WDR88: variants seen among roughly 807,000 people sequenced by gnomAD.
WDR88 encodes WD repeat-containing protein 88.
Under a neutral mutation model 46.8 loss-of-function variants are expected in WDR88, and 40 were observed. The observed-to-expected ratio is 0.86, with a 90% CI of 0.66 to 1.11. The LOEUF (loss-of-function observed/expected upper bound fraction) is 1.11, where lower values mean the gene tolerates loss of function less well. Among genes scored for constraint, WDR88 ranks in the 50% most tolerant of loss-of-function variants. The pLI is 0.00. For missense variants in WDR88, 562 were observed against 602.4 expected (o/e 0.93, Z 0.70); for synonymous variants, 235 against 240.7 (o/e 0.98, Z 0.22).
chr19:33,170,731 G>A (rs1419421927), intron 9 of WDR88, among the ~76,000 whole-genome samples: 1 of 152,044 alleles, frequency 6.6e-6, no homozygotes, highest in East Asian at 1.9e-4. Context: ...GTATGGTGGC[G>A]CATGCCTGTA....
At chr19:33,157,498 A>G (rs557963113) in intron 7 of WDR88, among the ~76,000 whole-genome samples, 1 of 133,698 alleles carries the variant, frequency 7.5e-6, no homozygotes, top group African/African-American at 3.0e-5. Flanking sequence ...ACTCTGTCTC[A>G]ATATATATAT....
intron 6 of WDR88, among the ~76,000 whole-genome samples, chr19:33,155,701 G>A (rs1165664264): frequency 6.6e-6 from 1 of 152,178 alleles, no homozygotes; most frequent in Non-Finnish European, 1.5e-5. Flanking sequence ...AATCACTCCT[G>A]ACACCAGCTG....
intron 8 of WDR88, among the ~76,000 whole-genome samples, chr19:33,161,953 G>A (rs184793447): frequency 1.3e-4 from 20 of 152,096 alleles, no homozygotes; most frequent in Admixed American, 3.9e-4. Context: ...TGACAGAGCC[G>A]GTTGTTCTAT....
Position 33,174,768 on chromosome 19 carries a change from CAACT to C in WDR88, c.1243-627_1243-624del, listed in dbSNP as rs1201885538. On this transcript the variant is annotated intron_variant, in intron 10 of 10. Transcript: ENST00000355868. The stretch of plus-strand genomic sequence containing the variant: ...GGCGGGACACTCACCCCCATCCTCC[CAACT>C]GTCAAGGGGCTTGCCACGCATGTCC... 5 of 985,322 alleles carry C rather than the reference CAACT, an allele frequency of 5.1e-6. No homozygotes were observed. In the African/African-American group the frequency reaches 8.7e-5, roughly 17 times the overall value. 61.0% of individuals were successfully genotyped at this position (985,322 alleles called of 1,614,324 possible).
intron 10 of WDR88, among the ~76,000 whole-genome samples, chr19:33,172,732 T>C (rs1974058928): frequency 2.6e-5 from 4 of 151,960 alleles, no homozygotes; most frequent in East Asian, 1.9e-4. Context: ...ATAGGTCTCA[T>C]TGAGGACTGA....
chr19:33,133,188 TAAATAA>T (rs1396859714), intron 1 of WDR88, among the ~76,000 whole-genome samples: 9 of 90,770 alleles, frequency 9.9e-5, no homozygotes, highest in African/African-American at 3.8e-4. Context: ...AATAAATAAA[TAAATAA>T]ATATAGAGAG....
At chr19:33,141,747 C>G (rs1041549322) in intron 2 of WDR88, among the ~76,000 whole-genome samples, 1 of 152,064 alleles carries the variant, frequency 6.6e-6, no homozygotes, top group Non-Finnish European at 1.5e-5. Flanking sequence ...GTGGCGTGGT[C>G]TCGGCTCACT....
intron 9 of WDR88, among the ~76,000 whole-genome samples, chr19:33,164,786 C>T (rs765756608): frequency 1.9e-4 from 29 of 152,148 alleles, no homozygotes; most frequent in South Asian, 4.1e-4. Context: ...GGACCAGTTT[C>T]GTGGAAGACA....
rs573489432 is a variant in WDR88 at position 33,158,445 on chromosome 19, G to GA, written c.997+1913dup. 3.9e-4 allele frequency among the ~76,000 whole-genome samples: 58 copies of GA among 148,352 alleles called. 1 individual carries two copies. Among genetic ancestry groups the GA allele is most frequent in the South Asian group, 1.1e-3 (5 of 4,652 alleles). ...TGTCTCAAAAAAAGAAAAAAAGAAAGAAAAAAAAAAGAATCACATGCAGTT... is the reference window on the plus strand; with the variant it reads ...TGTCTCAAAAAAAGAAAAAAAGAAAGAAAAAAAAAAAGAATCACATGCAGTT... On this transcript the variant is annotated intron_variant, in intron 7 of 10. Coordinates refer to ENST00000355868, the MANE Select transcript of WDR88 (RefSeq NM_173479.4).
intron 10 of WDR88, 100 bp downstream of exon 10, chr19:33,172,540 T>C (rs923789328): frequency 1.0e-6 from 1 of 978,698 alleles, no homozygotes; most frequent in African/African-American, 1.7e-5. Context: ...GGAGATGCAA[T>C]CGTGAACAAA....
intron 2 of WDR88, among the ~76,000 whole-genome samples, chr19:33,141,246 T>TTTTTTTTTTTTTTTTTTTTTTTTTTC (rs1247225166): frequency 6.7e-6 from 1 of 149,078 alleles, no homozygotes; most frequent in African/African-American, 2.5e-5. Flanking sequence ...TTTTTCTTTT[T>TTTTTTTTTTTTTTTTTTTTTTTTTTC]TGACACAGGA....
intron 9 of WDR88, among the ~76,000 whole-genome samples, chr19:33,165,701 T>C (rs979351050): frequency 6.6e-6 from 1 of 151,826 alleles, no homozygotes; most frequent in Non-Finnish European, 1.5e-5. Context: ...GAGACCAGCC[T>C]GGCCAACGTG....
At chr19:33,139,077 C>G (rs1371139485) in intron 2 of WDR88, among the ~76,000 whole-genome samples, 1 of 152,190 alleles carries the variant, frequency 6.6e-6, no homozygotes, top group African/African-American at 2.4e-5. Context: ...AAACTGAGCT[C>G]CATCCACAGA....
intron 9 of WDR88, among the ~76,000 whole-genome samples, chr19:33,168,782 A>G (rs1219718595): frequency 1.3e-5 from 2 of 152,164 alleles, no homozygotes; most frequent in Non-Finnish European, 2.9e-5. Flanking sequence ...AAGAATCTTG[A>G]AGAAGGAGAA....
chr19:33,175,386 C>G lies in WDR88; in HGVS notation c.1243-10C>G, dbSNP rs1475307376. The G allele has an allele frequency of 5.0e-6, 8 of 1,613,718 alleles. No individual in the cohort carries two copies. Among genetic ancestry groups the G allele is most frequent in the Non-Finnish European group, 5.9e-6 (7 of 1,179,720 alleles). ...CCTCCTTTCTGCTCTTTTAAAATATCCCATGTCAGTGCGAAAGATGTGACA... is the reference window on the plus strand; with the variant it reads ...CCTCCTTTCTGCTCTTTTAAAATATGCCATGTCAGTGCGAAAGATGTGACA... On this transcript the variant is annotated splice_polypyrimidine_tract_variant and intron_variant, in intron 10 of 10. Coordinates refer to ENST00000355868, the MANE Select transcript of WDR88 (RefSeq NM_173479.4).
chr19:33,164,408 A>G, intron 9 of WDR88, 143 bp downstream of exon 9: 1 of 731,816 alleles, frequency 1.4e-6, no homozygotes, highest in East Asian at 2.6e-5. Flanking sequence ...CTGCCTGGGA[A>G]TGTGGACAGC....
chr19:33,152,337 A>G (rs1267936), intron 6 of WDR88, among the ~76,000 whole-genome samples: 65,433 of 151,822 alleles, frequency 0.43, 18,539 homozygotes, highest in Non-Finnish European at 0.63. Context: ...AGTGTTGTGC[A>G]ACCATCACCA....
rs565251894 is a variant in WDR88, at chr19:33,147,464, G to C, written c.477-181G>C. ...CTAAAAATACAAAAATTAGCTGGGC[G>C]TGGTGGCGGGCGCCTGTAATCTCAG... On this transcript the variant is annotated intron_variant, in intron 3 of 10. Transcript: ENST00000355868. Among the ~76,000 whole-genome samples the C allele has an allele frequency of 1.2e-4, 18 of 152,052 alleles. No homozygotes were observed. In the East Asian group the frequency reaches 2.9e-3, roughly 25 times the overall value.
rs747156140 is a variant in WDR88, at chr19:33,137,663, T to C, written c.277-14T>C. 6.2e-7 allele frequency: 1 copy of C among 1,609,526 alleles called. No homozygotes were observed. On this transcript the variant is annotated splice_polypyrimidine_tract_variant and intron_variant, in intron 1 of 10. Coordinates refer to ENST00000355868, the MANE Select transcript of WDR88 (RefSeq NM_173479.4). Reference sequence around the variant, plus strand: ...TGCAACATGTTTAGCTCATCTGGTCTCTCCTTTTTTCAGATCCCATTTAAA... The same window carrying C: ...TGCAACATGTTTAGCTCATCTGGTCCCTCCTTTTTTCAGATCCCATTTAAA...
Sources: gnomAD v4.1 joint callset for allele counts (sites outside exome capture counted in the v4.1 genomes callset) on GRCh38, gnomAD v4.1.1 for gene constraint, MANE v1.5 for transcripts, NCBI Gene and HGNC (gene_info 2026-07-23, HGNC 2026-07-21) for gene names.